Variants in ZC3H13 observed in about 807,000 individuals in gnomAD.
ZC3H13 encodes zinc finger CCCH domain-containing protein 13.
ZC3H13 carries 64 observed loss-of-function variants against 204.1 expected under a neutral mutation model. The ratio of observed to expected loss-of-function variants is 0.31; its 90% CI spans 0.26 to 0.39. The LOEUF is 0.39. Among genes scored for constraint, ZC3H13 ranks in the 10% least tolerant of loss-of-function variants. ZC3H13 has a pLI of 1.00. For synonymous variants in ZC3H13, 667 were observed against 693.7 expected, an observed-to-expected ratio of 0.96 and a Z score of 0.60; for missense variants, 1,833 against 2,082.7, an observed-to-expected ratio of 0.88 and a Z score of 2.33.
chr13:46,010,307 G>C (rs2041458526), intron 7 of ZC3H13, 41 bp downstream of exon 7: 2 of 1,496,750 alleles, frequency 1.3e-6, no homozygotes, highest in Non-Finnish European at 1.8e-6. Context: ...TATCACTTCA[G>C]AAAAAGCTAT....
At position 45,957,310 on chromosome 13, in the gene ZC3H13, A is replaced by C. The variant is rs547303864; in HGVS notation, c.4840-13T>G. On this transcript the variant is annotated splice_polypyrimidine_tract_variant and intron_variant, in intron 18 of 18. Coordinates refer to ENST00000679008, the MANE Select transcript of ZC3H13 (RefSeq NM_001330564.2). ...GTTTTATGGTGCCCTATTTGAAGAA[A>C]ACAAAAACAAACTTTAAAAAAGATG... is the stretch of plus-strand genomic sequence containing the variant. 1 of 1,461,080 alleles carries C rather than the reference A, an allele frequency of 6.8e-7. No homozygotes were observed. Among genetic ancestry groups the C allele is most frequent in the African/African-American group, 1.4e-5 (1 of 70,664 alleles). 90.5% of individuals were successfully genotyped at this position (1,461,080 alleles called of 1,614,324 possible). A position where few individuals can be genotyped will look rare whatever the true frequency, so the allele number is the denominator to read the frequency against.
chr13:45,985,211 A>C (rs1593539793), intron 10 of ZC3H13, 86 bp downstream of exon 10: 1 of 1,297,516 alleles, frequency 7.7e-7, no homozygotes, highest in Non-Finnish European at 1.0e-6. Flanking sequence ...AATGATAACA[A>C]ATGTAAGAAA....
Position 45,975,301 on chromosome 13 carries a change from T to C in ZC3H13, c.2450A>G (p.His817Arg), listed in dbSNP as rs780759758. The C allele has an allele frequency of 8.1e-6, 13 of 1,611,198 alleles. No homozygotes were observed. Among genetic ancestry groups the C allele is most frequent in the Admixed American group, 3.3e-5 (2 of 59,838 alleles). The change falls in exon 12 of 19, where the codon CAT becomes CGT. Residue 817 changes from histidine (H) to arginine (R), a missense_variant. Physicochemically the swap from His to Arg is conservative, Grantham distance 29. Transcript: ENST00000679008. ...TTCTTACTTTGATTTTCTTTCATCA[T>C]GTCCATCTCTTGGATTCCTATCTTC... ...IREDRNPRDGHDERKSKKRYR... is the reference protein window; with the variant it reads ...IREDRNPRDGRDERKSKKRYR...
At chr13:45,991,762 T>C (rs370459513) in intron 8 of ZC3H13, among the ~76,000 whole-genome samples, 4 of 152,320 alleles carry the variant, frequency 2.6e-5, no homozygotes, top group South Asian at 4.1e-4. Flanking sequence ...CTGTGATTTA[T>C]TGTATCCAGG....
At chr13:46,005,522 C>T (rs1199518757) in intron 7 of ZC3H13, among the ~76,000 whole-genome samples, 1 of 152,122 alleles carries the variant, frequency 6.6e-6, no homozygotes, top group East Asian at 1.9e-4. Flanking sequence ...CAGTGTCTCG[C>T]TCTGTTGCCC....
chr13:45,996,440 C>T (rs1156902826), intron 8 of ZC3H13, among the ~76,000 whole-genome samples: 1 of 152,112 alleles, frequency 6.6e-6, no homozygotes, highest in Non-Finnish European at 1.5e-5. Context: ...CCCAGCTTAC[C>T]TGCTGTTTTG....
intron 8 of ZC3H13, 101 bp from the exon 9 acceptor site, chr13:45,989,198 CA>C: frequency 8.8e-7 from 1 of 1,131,058 alleles, no homozygotes; most frequent in South Asian, 1.7e-5. Flanking sequence ...AAAGTATAGA[CA>C]ATAACTTCAG....
intron 15 of ZC3H13, among the ~76,000 whole-genome samples, chr13:45,966,603 T>C (rs1312145119): frequency 6.6e-6 from 1 of 152,164 alleles, no homozygotes; most frequent in Non-Finnish European, 1.5e-5. Flanking sequence ...CTGACTCCAA[T>C]CACAAGAGAG....
intron 4 of ZC3H13, among the ~76,000 whole-genome samples, chr13:46,035,651 T>C (rs2043165883): frequency 6.6e-6 from 1 of 152,244 alleles, no homozygotes; most frequent in African/African-American, 2.4e-5. Flanking sequence ...CCTACAGTGA[T>C]CAGCTTCCTA....
chr13:45,980,726 A>G (rs1251249485), intron 10 of ZC3H13, among the ~76,000 whole-genome samples: 1 of 152,210 alleles, frequency 6.6e-6, no homozygotes, highest in East Asian at 1.9e-4. Flanking sequence ...CAAGGGACAC[A>G]TAAGAGGTTG....
chr13:46,038,598 C>T (rs146142547), intron 4 of ZC3H13, among the ~76,000 whole-genome samples: 1 of 152,304 alleles, frequency 6.6e-6, no homozygotes, highest in Non-Finnish European at 1.5e-5. Flanking sequence ...TAATCTATTC[C>T]ACAGTTGCCC....
chr13:45,969,982 G>C lies in ZC3H13; in HGVS notation c.2573-11C>G. Reference sequence around the variant, plus strand: ...GTCTGTGTTTTTCATCTATATAAAAGATAAAAGCAATCACACTCTCACCAG... The same window carrying C: ...GTCTGTGTTTTTCATCTATATAAAACATAAAAGCAATCACACTCTCACCAG... On this transcript the variant is annotated splice_polypyrimidine_tract_variant and intron_variant, in intron 13 of 18. Transcript: ENST00000679008. The C allele has an allele frequency of 6.3e-7, 1 of 1,591,806 alleles. No homozygotes were observed. The highest frequency in any genetic ancestry group is 8.5e-7 in the Non-Finnish European group (1 of 1,172,786).
intron 4 of ZC3H13, among the ~76,000 whole-genome samples, chr13:46,035,890 G>C (rs1176715292): frequency 1.3e-5 from 2 of 152,130 alleles, no homozygotes; most frequent in African/African-American, 4.8e-5. Flanking sequence ...TCCACTGCAG[G>C]AGTCCTGCTA....
intron 8 of ZC3H13, among the ~76,000 whole-genome samples, chr13:45,993,278 G>C (rs2040094684): frequency 6.6e-6 from 1 of 152,148 alleles, no homozygotes; most frequent in South Asian, 2.1e-4. Flanking sequence ...TGTGTGGCAG[G>C]AATACCGGCT....
At chr13:46,006,212 T>C (rs968985962) in intron 7 of ZC3H13, among the ~76,000 whole-genome samples, 2 of 151,988 alleles carry the variant, frequency 1.3e-5, no homozygotes, top group Non-Finnish European at 2.9e-5. Context: ...TCGGATTTCA[T>C]CTCTGACTTG....
chr13:45,975,860 G>T (rs982360530), intron 11 of ZC3H13, 22 bp from the exon 12 acceptor site: 3 of 1,600,880 alleles, frequency 1.9e-6, no homozygotes, highest in Non-Finnish European at 2.6e-6. Context: ...ATCAAGTTTT[G>T]TCAGTGATTA....
intron 17 of ZC3H13, chr13:45,962,768 C>T (rs1312090242): frequency 1.0e-6 from 1 of 985,216 alleles, no homozygotes; most frequent in East Asian, 1.1e-4. Context: ...TGTCCAGGGA[C>T]ATGACGTAAA....
chr13:46,038,787 C>T (rs188005289), intron 4 of ZC3H13, among the ~76,000 whole-genome samples: 1 of 152,284 alleles, frequency 6.6e-6, no homozygotes, highest in Non-Finnish European at 1.5e-5. Flanking sequence ...CTTTGGGAGG[C>T]TGAGGCAGGT....
chr13:46,047,155 C>T (rs1161947625), intron 1 of ZC3H13, among the ~76,000 whole-genome samples: 1 of 152,094 alleles, frequency 6.6e-6, no homozygotes, highest in East Asian at 1.9e-4. Context: ...CAATGAGGTA[C>T]TTCAGGTCAC....
Sources: gnomAD v4.1 joint callset for allele counts (sites outside exome capture counted in the v4.1 genomes callset) on GRCh38, gnomAD v4.1.1 for gene constraint, MANE v1.5 for transcripts, NCBI Gene and HGNC (gene_info 2026-07-23, HGNC 2026-07-21) for gene names.